The following FBN2 variants were observed in gnomAD, a reference collection of about 807,000 sequenced individuals.
FBN2 encodes fibrillin-2.
FBN2 carries 105 observed loss-of-function variants against 355.6 expected under a neutral mutation model. That is an observed-to-expected ratio of 0.30 (90% CI 0.25 to 0.35). The LOEUF is 0.35. Among genes scored for constraint, FBN2 ranks in the 10% least tolerant of loss-of-function variants. The pLI is 1.00. For missense variants in FBN2, 3,280 were observed against 3,758.7 expected (o/e 0.87, Z 3.33); for synonymous variants, 1,350 against 1,301.2 (o/e 1.04, Z -0.81).
intron 45 of FBN2, 33 bp from the exon 46 acceptor site, chr5:128,303,122 T>A: frequency 3.0e-6 from 4 of 1,314,806 alleles, no homozygotes; most frequent in African/African-American, 1.4e-5. Context: ...AAAATTCAAT[T>A]TTTAACTAGA....
At chr5:128,261,672 T>A in intron 64 of FBN2, 64 bp downstream of exon 64, 11 of 1,474,404 alleles carry the variant, frequency 7.5e-6, no homozygotes, top group Non-Finnish European at 1.0e-5. Context: ...CGACGTGAAC[T>A]GCACTGTATA....
chr5:128,343,074 T>C (rs1387628867), intron 25 of FBN2, among the ~76,000 whole-genome samples: 2 of 152,088 alleles, frequency 1.3e-5, no homozygotes, highest in African/African-American at 2.4e-5. Flanking sequence ...GTGAGAAGGA[T>C]GCAGGCAATC....
At chr5:128,295,234 T>A (rs1175420820) in intron 48 of FBN2, among the ~76,000 whole-genome samples, 1 of 151,328 alleles carries the variant, frequency 6.6e-6, no homozygotes, top group Non-Finnish European at 1.5e-5. Flanking sequence ...TTTTGGTTAC[T>A]GTAGCCTTGT....
In FBN2 at chr5:128,528,716, G is replaced by A. The variant is rs918019739; in HGVS notation, c.437-749C>T. 2.6e-5 allele frequency among the ~76,000 whole-genome samples: 4 copies of A among 152,286 alleles called. No homozygotes were observed. The South Asian group carries it at 8.3e-4, about 32-fold the overall frequency. On this transcript the variant is annotated intron_variant, in intron 3 of 64. Coordinates refer to ENST00000262464, the MANE Select transcript of FBN2 (RefSeq NM_001999.4). Reference sequence around the variant, plus strand: ...CTAACACAGGGCCTCCTCGGCCACCGAAGGGTTTTCATTATATCCCAAATG... The same window carrying A: ...CTAACACAGGGCCTCCTCGGCCACCAAAGGGTTTTCATTATATCCCAAATG...
rs550769088 is a variant in FBN2, at chr5:128,284,371, C to T, written c.7012+2347G>A. Among the ~76,000 whole-genome samples, 159 of 152,212 alleles carry T rather than the reference C, an allele frequency of 1.0e-3. 1 individual carries two copies. The highest frequency in any genetic ancestry group is 1.5e-3 in the Non-Finnish European group (99 of 68,014). On this transcript the variant is annotated intron_variant, in intron 55 of 64. Coordinates refer to ENST00000262464, the MANE Select transcript of FBN2 (RefSeq NM_001999.4). ...AACATTCATAGTCCATCCCCAGGGC[C>T]CATACTCTGAGTCACTCTGCCGTAA...
chr5:128,276,167 A>G lies in FBN2; in HGVS notation c.7472-7T>C. On this transcript the variant is annotated splice_polypyrimidine_tract_variant and splice_region_variant and intron_variant, in intron 58 of 64. Transcript: ENST00000262464. ...TGGGAGCATTCATCAAGGTCTAAGT[A>G]AAAGTGATGTGAAGATTAAATTACT... 1 of 1,613,224 alleles carries G rather than the reference A, an allele frequency of 6.2e-7. No individual in the cohort carries two copies.
intron 27 of FBN2, among the ~76,000 whole-genome samples, chr5:128,337,276 T>C (rs1750867534): frequency 6.6e-6 from 1 of 152,242 alleles, no homozygotes; most frequent in Non-Finnish European, 1.5e-5. Flanking sequence ...TATATGTGTA[T>C]TGGAAAGGTG....
At chr5:128,325,132 G>T (rs756039586) in intron 34 of FBN2, among the ~76,000 whole-genome samples, 11 of 152,006 alleles carry the variant, frequency 7.2e-5, no homozygotes, top group Non-Finnish European at 1.3e-4. Flanking sequence ...GGTCCACTTG[G>T]TCCTGAGCTG....
At chr5:128,382,791 A>T (rs556158297) in intron 11 of FBN2, among the ~76,000 whole-genome samples, 1 of 152,220 alleles carries the variant, frequency 6.6e-6, no homozygotes, top group Non-Finnish European at 1.5e-5. Context: ...TGAATCATTA[A>T]GTTTTTCTGC....
At chr5:128,315,855 G>A (rs1048262601) in intron 36 of FBN2, among the ~76,000 whole-genome samples, 1 of 152,172 alleles carries the variant, frequency 6.6e-6, no homozygotes, top group Admixed American at 6.5e-5. Flanking sequence ...GAAATACACT[G>A]TCCTTTCACT....
At chr5:128,507,788 T>C (rs1414630974) in intron 5 of FBN2, among the ~76,000 whole-genome samples, 1 of 152,064 alleles carries the variant, frequency 6.6e-6, no homozygotes, top group Non-Finnish European at 1.5e-5. Flanking sequence ...AAATATTAAA[T>C]AGGTCAAGTA....
chr5:128,310,383 TATATATATATATATA>T (rs1354108417), intron 39 of FBN2, among the ~76,000 whole-genome samples: 363 of 13,988 alleles, frequency 0.026, 2 homozygotes, highest in African/African-American at 0.078. Flanking sequence ...TATATATATA[TATATATATATATATA>T]TATATTTTTT....
intron 30 of FBN2, 127 bp downstream of exon 30, chr5:128,335,043 T>G (rs1750798229): frequency 1.4e-6 from 2 of 1,385,536 alleles, no homozygotes; most frequent in East Asian, 2.4e-5. Context: ...ATTTTACAGT[T>G]CTAGTAAAAT....
chr5:128,318,426 T>C (rs1750271064), intron 35 of FBN2, among the ~76,000 whole-genome samples, 155 bp from the exon 36 acceptor site: 1 of 152,214 alleles, frequency 6.6e-6, no homozygotes, highest in Non-Finnish European at 1.5e-5. Flanking sequence ...AATTTTGGTA[T>C]ATACCTAAAA....
At chr5:128,263,358 G>C (rs1765025702) in intron 63 of FBN2, 67 bp downstream of exon 63, 3 of 1,184,040 alleles carry the variant, frequency 2.5e-6, no homozygotes, top group African/African-American at 3.0e-5. Flanking sequence ...CCCTGCAGTG[G>C]GGGGTGGCCT....
At chr5:128,437,650 A>G (rs1162158407) in intron 7 of FBN2, among the ~76,000 whole-genome samples, 2 of 152,162 alleles carry the variant, frequency 1.3e-5, no homozygotes, top group African/African-American at 2.4e-5. Flanking sequence ...ATCAATAATA[A>G]TAAGAATCAT....
At chr5:128,407,599 C>T (rs1368935428) in intron 8 of FBN2, among the ~76,000 whole-genome samples, 2 of 152,114 alleles carry the variant, frequency 1.3e-5, no homozygotes, top group South Asian at 4.1e-4. Context: ...TAGTAGGCTT[C>T]TACTGTTATT....
At position 128,259,372 on chromosome 5, in the gene FBN2, T is replaced by G. The variant is rs1421621540; in HGVS notation, c.*83A>C. 6.6e-7 allele frequency: 1 copy of G among 1,514,238 alleles called. No homozygotes were observed. The highest frequency in any genetic ancestry group is 1.4e-5 in the African/African-American group (1 of 72,808). The allele number at this position is 1,514,238 out of a possible 1,614,324, so 93.8% of individuals were successfully genotyped here. ...ACAAGAGTTATTATTATTTTTCCTC[T>G]TTAAAATTAGTCCTTGACTTTTCAA... On this transcript the variant is annotated 3_prime_UTR_variant, in exon 65 of 65. Transcript: ENST00000262464.
chr5:128,423,649 T>C (rs1422226256), intron 7 of FBN2, among the ~76,000 whole-genome samples: 1 of 152,166 alleles, frequency 6.6e-6, no homozygotes, highest in African/African-American at 2.4e-5. Flanking sequence ...TCTACCTGTG[T>C]CTGAATCAGA....
Sources: gnomAD v4.1 joint callset for allele counts (sites outside exome capture counted in the v4.1 genomes callset) on GRCh38, gnomAD v4.1.1 for gene constraint, MANE v1.5 for transcripts, NCBI Gene and HGNC (gene_info 2026-07-23, HGNC 2026-07-21) for gene names.